The following CDK14 variants were observed in gnomAD, a reference collection of about 807,000 sequenced individuals.
CDK14 encodes the protein cyclin-dependent kinase 14.
A neutral mutation model predicts 60.7 loss-of-function variants in CDK14; 34 were observed. That is an observed-to-expected ratio of 0.56 (90% CI 0.43 to 0.75). The LOEUF (loss-of-function observed/expected upper bound fraction) is 0.75, where lower values mean the gene tolerates loss of function less well. Among genes scored for constraint, CDK14 ranks in the 30% least tolerant of loss-of-function variants. The pLI, the probability that CDK14 is intolerant of heterozygous loss-of-function variation, is 0.00. For missense variants in CDK14, 482 were observed against 564.1 expected (o/e 0.85, Z 1.47); for synonymous variants, 197 against 203.7 (o/e 0.97, Z 0.28).
intron 4 of CDK14, among the ~76,000 whole-genome samples, chr7:90,789,360 G>GT (rs1554337257): frequency 6.6e-6 from 1 of 151,916 alleles, no homozygotes; most frequent in Non-Finnish European, 1.5e-5. Context: ...ATATTTATGT[G>GT]TATATATATG....
At chr7:90,600,489 G>C (rs950751593) in intron 1 of CDK14, among the ~76,000 whole-genome samples, 1 of 152,170 alleles carries the variant, frequency 6.6e-6, no homozygotes, top group African/African-American at 2.4e-5. Flanking sequence ...TGCGATATTT[G>C]AGATGAACAC....
intron 14 of CDK14, among the ~76,000 whole-genome samples, chr7:91,177,620 T>C (rs1452643805): frequency 6.6e-6 from 1 of 151,906 alleles, no homozygotes; most frequent in Non-Finnish European, 1.5e-5. Flanking sequence ...AGTCTCAGGA[T>C]ACAAAATCAA....
intron 14 of CDK14, among the ~76,000 whole-genome samples, chr7:91,199,230 G>A (rs989157727): frequency 2.0e-5 from 3 of 151,942 alleles, no homozygotes; most frequent in African/African-American, 7.3e-5. Flanking sequence ...CATTAAAACT[G>A]TTTCAATGAA....
chr7:91,010,102 G>T (rs1007491939), intron 10 of CDK14, among the ~76,000 whole-genome samples: 1 of 152,074 alleles, frequency 6.6e-6, no homozygotes, highest in Admixed American at 6.6e-5. Context: ...TTGGCCATGT[G>T]TGTATAAGTA....
chr7:90,810,006 A>G (rs1583994473), intron 5 of CDK14, among the ~76,000 whole-genome samples: 1 of 152,208 alleles, frequency 6.6e-6, no homozygotes, highest in Non-Finnish European at 1.5e-5. Flanking sequence ...AAAGTCCAGG[A>G]CCAGATGGAT....
At chr7:90,673,505 T>G (rs1041160943) in intron 2 of CDK14, among the ~76,000 whole-genome samples, 4 of 145,188 alleles carry the variant, frequency 2.8e-5, no homozygotes, top group African/African-American at 5.0e-5. Context: ...CACTGCAGCC[T>G]CAACCCCTTG....
intron 11 of CDK14, among the ~76,000 whole-genome samples, chr7:91,046,204 C>T (rs1797227076): frequency 6.6e-6 from 1 of 152,130 alleles, no homozygotes; most frequent in African/African-American, 2.4e-5. Flanking sequence ...GTTGATCTTG[C>T]AGTAACCATT....
chr7:90,606,687 C>T (rs564444096), intron 2 of CDK14, among the ~76,000 whole-genome samples: 4 of 152,222 alleles, frequency 2.6e-5, no homozygotes, highest in Admixed American at 1.3e-4. Context: ...GTTTAGATTC[C>T]GTATGGGGGT....
At chr7:90,998,052 A>C (rs1199484480) in intron 10 of CDK14, among the ~76,000 whole-genome samples, 1 of 152,232 alleles carries the variant, frequency 6.6e-6, no homozygotes, top group African/African-American at 2.4e-5. Context: ...TTTAGGCATA[A>C]ATAATCAGTG....
chr7:90,985,742 C>G (rs1795356437), intron 10 of CDK14, among the ~76,000 whole-genome samples: 1 of 152,156 alleles, frequency 6.6e-6, no homozygotes, highest in Non-Finnish European at 1.5e-5. Flanking sequence ...GCCTATATCC[C>G]TGTGAGTCGC....
At chr7:90,984,035 A>C in intron 9 of CDK14, 113 bp from the exon 10 acceptor site, 1 of 723,576 alleles carries the variant, frequency 1.4e-6, no homozygotes. Context: ...GGGAAAAAGG[A>C]AACAGTTTAC....
At chr7:90,931,625 C>T (rs1793593545) in intron 8 of CDK14, among the ~76,000 whole-genome samples, 1 of 152,194 alleles carries the variant, frequency 6.6e-6, no homozygotes, top group African/African-American at 2.4e-5. Flanking sequence ...GAGAGGAAAA[C>T]TACTGTTTTG....
chr7:90,763,888 A>T (rs963283811), intron 4 of CDK14, among the ~76,000 whole-genome samples: 2 of 152,318 alleles, frequency 1.3e-5, no homozygotes, highest in African/African-American at 2.4e-5. Context: ...TACCTGGCAC[A>T]GTTCTGGTTT....
At chr7:90,696,086 G>T (rs1444761061) in intron 2 of CDK14, among the ~76,000 whole-genome samples, 1 of 152,198 alleles carries the variant, frequency 6.6e-6, no homozygotes. Flanking sequence ...CCTGTATTAG[G>T]ATGGGAGCAG....
chr7:90,671,491 G>A (rs1250852447), intron 2 of CDK14, among the ~76,000 whole-genome samples: 1 of 152,032 alleles, frequency 6.6e-6, no homozygotes, highest in East Asian at 1.9e-4. Context: ...CCAATGTTAG[G>A]TCCTTTGCAG....
intron 10 of CDK14, among the ~76,000 whole-genome samples, chr7:91,044,631 A>AG (rs1045307644): frequency 7.2e-5 from 11 of 152,030 alleles, no homozygotes; most frequent in Admixed American, 2.0e-4. Context: ...GGCTGAGAGG[A>AG]GGGGTCCGTT....
At chr7:91,083,356 A>G (rs1798534684) in intron 12 of CDK14, among the ~76,000 whole-genome samples, 2 of 152,136 alleles carry the variant, frequency 1.3e-5, no homozygotes, top group African/African-American at 4.8e-5. Context: ...GCCCAGCTCT[A>G]TGGATTTGAG....
chr7:90,991,363 A>G (rs1795528184), intron 10 of CDK14, among the ~76,000 whole-genome samples: 1 of 152,158 alleles, frequency 6.6e-6, no homozygotes, highest in Non-Finnish European at 1.5e-5. Flanking sequence ...AGGTAGAGGG[A>G]AATGCAGTGG....
At chr7:90,710,395 T>C in intron 2 of CDK14, 1 of 985,314 alleles carries the variant, frequency 1.0e-6, no homozygotes, top group Non-Finnish European at 1.2e-6. Context: ...GAGACTACTT[T>C]TTCCATTTGA....
Sources: gnomAD v4.1 joint callset for allele counts (sites outside exome capture counted in the v4.1 genomes callset) on GRCh38, gnomAD v4.1.1 for gene constraint, MANE v1.5 for transcripts, NCBI Gene and HGNC (gene_info 2026-07-23, HGNC 2026-07-21) for gene names.